Variants in PABPC4L observed in about 807,000 individuals in gnomAD.
The protein encoded by PABPC4L is poly(A) binding protein cytoplasmic 4 like, also known as polyadenylate-binding protein 4-like.
For missense variants in PABPC4L, 452 were observed against 451.4 expected, an observed-to-expected ratio of 1.00 and a Z score of -0.01; for synonymous variants, 169 against 164.1, an observed-to-expected ratio of 1.03 and a Z score of -0.23.
chr4:134,171,079 C>T, the PABPC4L span, among the ~76,000 whole-genome samples: 1 of 152,008 alleles, frequency 6.6e-6, no homozygotes, highest in Non-Finnish European at 1.5e-5. Flanking sequence ...ATTTGCATTT[C>T]TACTAATGAT....
the PABPC4L span, among the ~76,000 whole-genome samples, chr4:134,055,483 A>G: frequency 6.6e-6 from 1 of 151,948 alleles, no homozygotes; most frequent in South Asian, 2.1e-4. Flanking sequence ...TCTTAAGGGC[A>G]CCTAAATCTT....
chr4:134,058,169 T>G, the PABPC4L span, among the ~76,000 whole-genome samples: 1 of 151,926 alleles, frequency 6.6e-6, no homozygotes, highest in Non-Finnish European at 1.5e-5. Flanking sequence ...GTGAAATGAT[T>G]GAGACTACTT....
the PABPC4L span, among the ~76,000 whole-genome samples, chr4:133,966,723 C>T: frequency 3.3e-5 from 5 of 152,166 alleles, no homozygotes; most frequent in African/African-American, 7.2e-5. Context: ...AACCAAACAT[C>T]GTATGTTCTC....
the PABPC4L span, among the ~76,000 whole-genome samples, chr4:134,055,626 C>T: frequency 0.014 from 1,960 of 140,738 alleles, 30 homozygotes; most frequent in Non-Finnish European, 0.023. Context: ...AAATGTTCCC[C>T]GTGGTTTTTT....
the PABPC4L span, among the ~76,000 whole-genome samples, chr4:133,961,051 A>C: frequency 6.6e-6 from 1 of 152,064 alleles, no homozygotes; most frequent in African/African-American, 2.4e-5. Flanking sequence ...TGCTCTCCTT[A>C]CTACCACAGC....
the PABPC4L span, among the ~76,000 whole-genome samples, chr4:134,094,316 TTTG>T: frequency 6.6e-6 from 1 of 151,958 alleles, no homozygotes; most frequent in Non-Finnish European, 1.5e-5. Context: ...CAATAGAGGA[TTTG>T]TTATTATAAA....
At chr4:134,146,518 C>T in the PABPC4L span, among the ~76,000 whole-genome samples, 2 of 152,164 alleles carry the variant, frequency 1.3e-5, no homozygotes, top group South Asian at 2.1e-4. Flanking sequence ...TTTACTACCA[C>T]CGCCAGCAGC....
In PABPC4L at chr4:134,199,859, T is replaced by C. The variant is rs1383949587; in HGVS notation, c.*48A>G. 1 of 1,538,588 alleles carries C rather than the reference T, an allele frequency of 6.5e-7. No individual in the cohort carries two copies. The highest frequency in any genetic ancestry group is 2.4e-5 in the East Asian group (1 of 40,862). ...TCAATTCAGGCAGAGATCACTATCA[T>C]TCTCCCACCTGCTGCAGATACTAGC... On this transcript the variant is annotated 3_prime_UTR_variant, in exon 2 of 2. Coordinates refer to ENST00000421491, the MANE Select transcript of PABPC4L (RefSeq NM_001114734.2).
the PABPC4L span, among the ~76,000 whole-genome samples, chr4:134,125,822 A>T: frequency 1.2e-4 from 19 of 152,234 alleles, no homozygotes; most frequent in Non-Finnish European, 2.6e-4. Context: ...ATTGATAAAG[A>T]CATTCATTTG....
At chr4:134,040,019 G>A in the PABPC4L span, among the ~76,000 whole-genome samples, 3 of 152,000 alleles carry the variant, frequency 2.0e-5, no homozygotes, top group Non-Finnish European at 4.4e-5. Flanking sequence ...GGGATGTGAA[G>A]GGCCTCTTCG....
At chr4:133,997,138 A>G in the PABPC4L span, among the ~76,000 whole-genome samples, 2 of 152,242 alleles carry the variant, frequency 1.3e-5, no homozygotes, top group South Asian at 2.1e-4. Context: ...CTGAGACACC[A>G]TACTGAAATT....
At chr4:134,187,825 G>T in the PABPC4L span, among the ~76,000 whole-genome samples, 1 of 151,618 alleles carries the variant, frequency 6.6e-6, no homozygotes, top group South Asian at 2.1e-4. Flanking sequence ...CTTTATATTC[G>T]AAGTGAGTTT....
At chr4:133,995,538 C>T in the PABPC4L span, among the ~76,000 whole-genome samples, 2 of 152,256 alleles carry the variant, frequency 1.3e-5, no homozygotes, top group South Asian at 4.2e-4. Context: ...TCTTAATTCC[C>T]TGGGCTAACC....
the PABPC4L span, among the ~76,000 whole-genome samples, chr4:134,014,648 T>C: frequency 3.9e-5 from 6 of 152,028 alleles, no homozygotes; most frequent in Admixed American, 1.3e-4. Flanking sequence ...AGCTGAAGAC[T>C]GACACTGCCC....
the PABPC4L span, among the ~76,000 whole-genome samples, chr4:134,026,139 T>C: frequency 6.6e-6 from 1 of 152,176 alleles, no homozygotes; most frequent in Admixed American, 6.6e-5. Context: ...CACTTGTAAA[T>C]GATCAGTAAA....
chr4:134,120,663 A>C, the PABPC4L span, among the ~76,000 whole-genome samples: 4 of 151,270 alleles, frequency 2.6e-5, no homozygotes, highest in East Asian at 7.7e-4. Flanking sequence ...CTATTACATA[A>C]TCTTTTGTCA....
chr4:133,970,734 T>TACC, the PABPC4L span, among the ~76,000 whole-genome samples: 4 of 151,984 alleles, frequency 2.6e-5, no homozygotes, highest in Non-Finnish European at 5.9e-5. Context: ...GGTGATTAGG[T>TACC]CATGAGAGCA....
the PABPC4L span, among the ~76,000 whole-genome samples, chr4:133,989,298 T>C: frequency 6.6e-6 from 1 of 152,204 alleles, no homozygotes; most frequent in East Asian, 1.9e-4. Context: ...CTGTAAATTT[T>C]CCAAGCTTTT....
At chr4:134,046,106 G>T in the PABPC4L span, among the ~76,000 whole-genome samples, 4 of 152,026 alleles carry the variant, frequency 2.6e-5, no homozygotes, top group African/African-American at 9.7e-5. Context: ...CCAGGGGACC[G>T]GCACTCAGCA....
Sources: allele counts gnomAD v4.1 joint callset (sites outside exome capture counted in the v4.1 genomes callset), GRCh38; gene constraint gnomAD v4.1.1; transcripts MANE v1.5; gene names NCBI Gene and HGNC (gene_info 2026-07-23, HGNC 2026-07-21).